Variants in PDE11A observed in about 807,000 individuals in gnomAD.
The protein encoded by PDE11A is dual 3',5'-cyclic-AMP and -GMP phosphodiesterase 11A.
PDE11A carries 100 observed loss-of-function variants against 100.5 expected under a neutral mutation model. The ratio of observed to expected loss-of-function variants is 1.00; its 90% CI spans 0.85 to 1.18. The LOEUF (loss-of-function observed/expected upper bound fraction) is 1.18. PDE11A is among the 50% of genes most tolerant of loss of function. The probability of loss-of-function intolerance (pLI) is 0.00; values close to 1 mark genes in which losing one functional copy is unlikely to be tolerated. For missense variants in PDE11A, 1,141 were observed against 1,152.6 expected (o/e 0.99, Z 0.15); for synonymous variants, 381 against 420.8 (o/e 0.91, Z 1.16).
At chr2:177,810,932 A>T (rs1164069963) in intron 9 of PDE11A, among the ~76,000 whole-genome samples, 1 of 152,102 alleles carries the variant, frequency 6.6e-6, no homozygotes, top group Non-Finnish European at 1.5e-5. Flanking sequence ...TTGGATCCTG[A>T]TAGCATATGC....
At chr2:178,071,457 G>C (rs970018617) in intron 1 of PDE11A, 69 bp downstream of exon 1, 40 of 1,602,692 alleles carry the variant, frequency 2.5e-5, no homozygotes, top group Non-Finnish European at 7.7e-6. Context: ...CTGGATGCCA[G>C]ATGATAACCG....
chr2:177,749,443 C>T (rs1384709794), intron 10 of PDE11A, among the ~76,000 whole-genome samples: 18 of 151,846 alleles, frequency 1.2e-4, no homozygotes, highest in Admixed American at 1.2e-3. Flanking sequence ...TACTTTCTTC[C>T]CAGAGGTTAA....
At position 177,952,695 on chromosome 2, in the gene PDE11A, T is replaced by C. The variant is rs1036054047; in HGVS notation, c.1072-47508A>G. ...ATCTTGAAGAGGTTGCTGTTACTTG[T>C]AACTGAACAGGTGATATTAATAACT... On this transcript the variant is annotated intron_variant, in intron 2 of 19. Transcript: ENST00000286063. Among the ~76,000 whole-genome samples the C allele has an allele frequency of 2.0e-5, 3 of 152,324 alleles. No homozygotes were observed. In the East Asian group the frequency reaches 5.8e-4, roughly 29 times the overall value.
chr2:177,840,411 G>T, intron 5 of PDE11A, 28 bp from the exon 6 acceptor site: 4 of 1,609,604 alleles, frequency 2.5e-6, no homozygotes, highest in Non-Finnish European at 3.4e-6. Flanking sequence ...TAGGCAGGAA[G>T]AAAAGAGAGA....
At chr2:177,716,415 T>C (rs1419994756) in intron 12 of PDE11A, among the ~76,000 whole-genome samples, 1 of 152,174 alleles carries the variant, frequency 6.6e-6, no homozygotes, top group Non-Finnish European at 1.5e-5. Context: ...CTGAAGACAC[T>C]TGGGTTTCTC....
intron 9 of PDE11A, among the ~76,000 whole-genome samples, chr2:177,806,188 G>C (rs941132091): frequency 2.6e-5 from 4 of 152,010 alleles, no homozygotes; most frequent in Non-Finnish European, 5.9e-5. Context: ...TGAGTGCAGA[G>C]CCAGAAAACT....
At chr2:178,083,937 T>A (rs2087317458) in intron 2 of PDE11A, among the ~76,000 whole-genome samples, 1 of 152,210 alleles carries the variant, frequency 6.6e-6, no homozygotes, top group African/African-American at 2.4e-5. Flanking sequence ...GTCTTCCATC[T>A]CCATTCCCAA....
At chr2:177,919,769 A>G (rs1264146396) in intron 2 of PDE11A, among the ~76,000 whole-genome samples, 1 of 152,160 alleles carries the variant, frequency 6.6e-6, no homozygotes, top group African/African-American at 2.4e-5. Context: ...ACTTAGAATG[A>G]TATTTTTGGA....
At chr2:177,969,322 G>C (rs1574314816) in intron 2 of PDE11A, among the ~76,000 whole-genome samples, 1 of 152,060 alleles carries the variant, frequency 6.6e-6, no homozygotes, top group Non-Finnish European at 1.5e-5. Flanking sequence ...TGCATGTGGG[G>C]CTGAAAACCT....
chr2:177,719,150 T>C lies in PDE11A; in HGVS notation c.2044-7272A>G, dbSNP rs76572677. 6.8e-3 allele frequency among the ~76,000 whole-genome samples: 1,032 copies of C among 152,260 alleles called. 11 individuals carry two copies. The highest frequency in any genetic ancestry group is 0.024 in the African/African-American group (991 of 41,538). The stretch of plus-strand genomic sequence containing the variant: ...CACCATGGACTGCACACCCTTGCCA[T>C]GTGTGCAGTCCTGGCTCAGCAATCT... On this transcript the variant is annotated intron_variant, in intron 12 of 19. Transcript: ENST00000286063.
At chr2:178,062,363 T>C (rs2086983639) in intron 1 of PDE11A, among the ~76,000 whole-genome samples, 1 of 150,428 alleles carries the variant, frequency 6.6e-6, no homozygotes, top group Admixed American at 6.6e-5. Context: ...AGAAGCTACC[T>C]TAGCAGTTGC....
intron 4 of PDE11A, among the ~76,000 whole-genome samples, chr2:177,890,216 AGG>A (rs2084507887): frequency 6.6e-6 from 1 of 152,194 alleles, no homozygotes; most frequent in South Asian, 2.1e-4. Flanking sequence ...AAGCAGCTGC[AGG>A]GTGACTTGCC....
rs1399061817 is a variant in PDE11A, at chr2:177,711,462, T to C, written c.2153+307A>G. Among the ~76,000 whole-genome samples the C allele has an allele frequency of 4.6e-5, 7 of 152,204 alleles. No homozygotes were observed. The South Asian group carries it at 1.2e-3, about 27-fold the overall frequency. On this transcript the variant is annotated intron_variant, in intron 13 of 19. Transcript: ENST00000286063. ...TTTGAGAGTAGCAAGTCCAAGAAGC[T>C]TATAACGCCATAAAGGCAAATATTC...
At chr2:177,711,632 C>T in intron 13 of PDE11A, 137 bp downstream of exon 13, 3 of 683,952 alleles carry the variant, frequency 4.4e-6, no homozygotes, top group Non-Finnish European at 5.4e-6. Flanking sequence ...GGATGGGCCC[C>T]ATGACATGCA....
intron 2 of PDE11A, among the ~76,000 whole-genome samples, chr2:178,082,470 C>T (rs2087299241): frequency 6.6e-6 from 1 of 152,100 alleles, no homozygotes; most frequent in Admixed American, 6.5e-5. Context: ...TTGCAGCCTG[C>T]AGGGTGGCCA....
At chr2:177,638,289 G>A (rs2080083499) in intron 19 of PDE11A, among the ~76,000 whole-genome samples, 1 of 152,000 alleles carries the variant, frequency 6.6e-6, no homozygotes, top group East Asian at 1.9e-4. Context: ...GTGAGCCACC[G>A]CGCCCAGCCT....
intron 5 of PDE11A, among the ~76,000 whole-genome samples, chr2:177,872,028 T>C (rs2084145067): frequency 6.6e-6 from 1 of 152,164 alleles, no homozygotes; most frequent in African/African-American, 2.4e-5. Flanking sequence ...GGAGGCCTGG[T>C]GAAATCTGGT....
rs557367095 is a variant in PDE11A, at chr2:177,750,195, T to C, written c.1788+19128A>G. Reference sequence around the variant, plus strand: ...TGGCTGGAGGTAAAGACTTGCTCTCTGAGTGTCTCTGGGTATACTAAGGCA... The same window carrying C: ...TGGCTGGAGGTAAAGACTTGCTCTCCGAGTGTCTCTGGGTATACTAAGGCA... On this transcript the variant is annotated intron_variant, in intron 10 of 19. Transcript: ENST00000286063. Among the ~76,000 whole-genome samples the C allele has an allele frequency of 7.2e-5, 11 of 152,374 alleles. No homozygotes were observed. In the East Asian group the frequency reaches 2.1e-3, roughly 29 times the overall value.
chr2:177,968,734 T>C (rs1032733707), intron 2 of PDE11A, among the ~76,000 whole-genome samples: 17 of 152,072 alleles, frequency 1.1e-4, no homozygotes, highest in Non-Finnish European at 1.8e-4. Context: ...TCTCACACCA[T>C]TTAGAATGGC....
Sources: gnomAD v4.1 joint callset for allele counts (sites outside exome capture counted in the v4.1 genomes callset) on GRCh38, gnomAD v4.1.1 for gene constraint, MANE v1.5 for transcripts, NCBI Gene and HGNC (gene_info 2026-07-23, HGNC 2026-07-21) for gene names.